The following SLC35G2 variants were observed in gnomAD, a reference collection of about 807,000 sequenced individuals.
SLC35G2 encodes transmembrane protein 22.
Under a neutral mutation model 27.2 loss-of-function variants are expected in SLC35G2, and 20 were observed. The observed-to-expected ratio is 0.74, with a 90% CI of 0.52 to 1.07. The LOEUF (loss-of-function observed/expected upper bound fraction) is 1.07, where lower values mean the gene tolerates loss of function less well. Among genes scored for constraint, SLC35G2 ranks in the 50% least tolerant of loss-of-function variants. The pLI, the probability that SLC35G2 is intolerant of heterozygous loss-of-function variation, is 0.00. For synonymous variants in SLC35G2, 148 were observed against 165.3 expected (o/e 0.90, Z 0.80); for missense variants, 416 against 493.3 (o/e 0.84, Z 1.48).
intron 1 of SLC35G2, among the ~76,000 whole-genome samples, chr3:136,832,012 C>T (rs1040179098): frequency 8.8e-6 from 1 of 113,112 alleles, no homozygotes; most frequent in African/African-American, 3.2e-5. Flanking sequence ...TTTGTGTGAT[C>T]ATTCTTCATT....
At chr3:136,834,497 G>A (rs113405226) in intron 1 of SLC35G2, among the ~76,000 whole-genome samples, 6 of 150,976 alleles carry the variant, frequency 4.0e-5, no homozygotes, top group African/African-American at 9.8e-5. Context: ...ACCCAGCTAA[G>A]TTTTGTATTT....
chr3:136,822,381 C>A (rs1936477744), intron 1 of SLC35G2, among the ~76,000 whole-genome samples: 1 of 152,134 alleles, frequency 6.6e-6, no homozygotes, highest in South Asian at 2.1e-4. Flanking sequence ...GTGGCATGAT[C>A]ACAGCTCACT....
At chr3:136,824,344 A>G (rs1487802144) in intron 1 of SLC35G2, among the ~76,000 whole-genome samples, 1 of 152,208 alleles carries the variant, frequency 6.6e-6, no homozygotes, top group Admixed American at 6.5e-5. Flanking sequence ...TGATTCTTCC[A>G]ATCCATGAAC....
At chr3:136,832,259 C>T (rs1045332212) in intron 1 of SLC35G2, among the ~76,000 whole-genome samples, 4 of 152,186 alleles carry the variant, frequency 2.6e-5, no homozygotes, top group Non-Finnish European at 4.4e-5. Context: ...CGTGATCCAC[C>T]TGCCTTGGCC....
At chr3:136,829,672 A>G (rs1936674677) in intron 1 of SLC35G2, among the ~76,000 whole-genome samples, 1 of 150,760 alleles carries the variant, frequency 6.6e-6, no homozygotes, top group Non-Finnish European at 1.5e-5. Context: ...CTTGAAGGAT[A>G]TTTGCACCAG....
At chr3:136,847,513 G>A (rs1348505733) in intron 1 of SLC35G2, among the ~76,000 whole-genome samples, 1 of 152,106 alleles carries the variant, frequency 6.6e-6, no homozygotes, top group African/African-American at 2.4e-5. Flanking sequence ...CACAGAACCA[G>A]TAGGGGATTT....
At position 136,855,789 on chromosome 3, in the gene SLC35G2, A is replaced by G; in HGVS notation, c.*90A>G. ...CTATGAATGTCTTTTGTGTTATATA[A>G]CTGACAGAGTGCTATAAAATATATA... On this transcript the variant is annotated 3_prime_UTR_variant, in exon 2 of 2. Coordinates refer to ENST00000446465, the MANE Select transcript of SLC35G2 (RefSeq NM_025246.3). 1 of 997,446 alleles carries G rather than the reference A, an allele frequency of 1.0e-6. No homozygotes were observed. The highest frequency in any genetic ancestry group is 1.5e-5 in the South Asian group (1 of 68,790). 61.8% of individuals were successfully genotyped at this position (997,446 alleles called of 1,614,324 possible).
chr3:136,850,907 C>T (rs1046154021), intron 1 of SLC35G2, among the ~76,000 whole-genome samples: 4 of 152,168 alleles, frequency 2.6e-5, no homozygotes, highest in Admixed American at 2.0e-4. Context: ...ATTGCTTGAG[C>T]CCTGGAGGTC....
chr3:136,845,407 C>T (rs1023726631), intron 1 of SLC35G2, among the ~76,000 whole-genome samples: 2 of 152,130 alleles, frequency 1.3e-5, no homozygotes, highest in African/African-American at 2.4e-5. Flanking sequence ...ATGGGACTTA[C>T]TTGACTGGGC....
chr3:136,834,166 CTAGTG>C (rs1036673725), intron 1 of SLC35G2, among the ~76,000 whole-genome samples: 3 of 151,910 alleles, frequency 2.0e-5, no homozygotes, highest in African/African-American at 7.3e-5. Flanking sequence ...CTTGGGGACA[CTAGTG>C]TATAAAACAT....
chr3:136,832,412 G>A (rs1255764113), intron 1 of SLC35G2, among the ~76,000 whole-genome samples: 2 of 152,116 alleles, frequency 1.3e-5, no homozygotes, highest in Non-Finnish European at 2.9e-5. Flanking sequence ...ATTAGTTCTA[G>A]GCTGAAATTG....
At chr3:136,851,208 A>G (rs1937613726) in intron 1 of SLC35G2, among the ~76,000 whole-genome samples, 1 of 151,918 alleles carries the variant, frequency 6.6e-6, no homozygotes, top group African/African-American at 2.4e-5. Context: ...AAGATGAACA[A>G]TGTTGGCCGG....
chr3:136,850,965 A>G (rs1317946697), intron 1 of SLC35G2, among the ~76,000 whole-genome samples: 1 of 152,180 alleles, frequency 6.6e-6, no homozygotes, highest in Non-Finnish European at 1.5e-5. Context: ...AGCCTGCGCA[A>G]CGGAGTGAGA....
At chr3:136,829,238 T>C in intron 1 of SLC35G2, among the ~76,000 whole-genome samples, 1 of 152,148 alleles carries the variant, frequency 6.6e-6, no homozygotes, top group Non-Finnish European at 1.5e-5. Context: ...CTTTTTTTTT[T>C]TTTAGATGGA....
chr3:136,835,761 G>A (rs1338619006), intron 1 of SLC35G2, among the ~76,000 whole-genome samples: 3 of 152,008 alleles, frequency 2.0e-5, no homozygotes, highest in Non-Finnish European at 4.4e-5. Flanking sequence ...TTCCATCAGC[G>A]TGGACTTGTG....
intron 1 of SLC35G2, chr3:136,838,283 A>ATATATATATAT (rs1560013693): frequency 1.5e-4 from 17 of 110,496 alleles, no homozygotes; most frequent in African/African-American, 2.3e-4. Context: ...ATATATATAT[A>ATATATATATAT]AATGCACACA....
At chr3:136,841,024 C>T (rs1937072865) in intron 1 of SLC35G2, among the ~76,000 whole-genome samples, 1 of 138,102 alleles carries the variant, frequency 7.2e-6, no homozygotes, top group Non-Finnish European at 1.5e-5. Flanking sequence ...GGGACGGTTT[C>T]GCCATTTTGC....
intron 1 of SLC35G2, among the ~76,000 whole-genome samples, chr3:136,845,232 A>C (rs1937319164): frequency 2.0e-5 from 3 of 152,376 alleles, no homozygotes; most frequent in Admixed American, 2.0e-4. Flanking sequence ...TAAATGTTCT[A>C]TAATGAACAT....
intron 1 of SLC35G2, among the ~76,000 whole-genome samples, chr3:136,836,424 C>CACG (rs1936871891): frequency 2.0e-5 from 3 of 152,194 alleles, no homozygotes; most frequent in Non-Finnish European, 4.4e-5. Context: ...GCTTATCGAC[C>CACG]AGTCTCTTCC....
Sources: allele counts gnomAD v4.1 joint callset (sites outside exome capture counted in the v4.1 genomes callset), GRCh38; gene constraint gnomAD v4.1.1; transcripts MANE v1.5; gene names NCBI Gene and HGNC (gene_info 2026-07-23, HGNC 2026-07-21).